Variants in CCDC30 observed in about 807,000 individuals in gnomAD.
CCDC30 encodes the protein coiled-coil domain-containing protein 30.
A neutral mutation model predicts 100.2 loss-of-function variants in CCDC30; 70 were observed. The ratio of observed to expected loss-of-function variants is 0.70; its 90% confidence interval spans 0.58 to 0.85. CCDC30 has a LOEUF of 0.85. Ranked by LOEUF, CCDC30 falls within the 40% of genes least tolerant of loss-of-function variation. CCDC30 has a pLI of 0.00. For missense variants in CCDC30, 652 were observed against 771.2 expected (o/e 0.85, Z 1.83); for synonymous variants, 233 against 269.5 (o/e 0.86, Z 1.33).
At chr1:42,473,422 C>G (rs1293325043) in intron 1 of CCDC30, 2 of 502,780 alleles carry the variant, frequency 4.0e-6, no homozygotes, top group South Asian at 2.1e-4. Context: ...AAAGCACCCA[C>G]GTGTAGACCT....
At chr1:42,582,835 T>C (rs971382160) in intron 9 of CCDC30, among the ~76,000 whole-genome samples, 9 of 152,234 alleles carry the variant, frequency 5.9e-5, no homozygotes, top group African/African-American at 1.2e-4. Flanking sequence ...GTTACAATTC[T>C]TCAAAGAAGT....
intron 11 of CCDC30, among the ~76,000 whole-genome samples, chr1:42,615,103 G>C (rs1646699770): frequency 6.6e-6 from 1 of 152,082 alleles, no homozygotes; most frequent in Admixed American, 6.6e-5. Context: ...GAGGAACTTA[G>C]GTTTAGGGTT....
intron 6 of CCDC30, among the ~76,000 whole-genome samples, chr1:42,544,546 ACT>A (rs1180837137): frequency 2.0e-5 from 3 of 152,014 alleles, no homozygotes; most frequent in South Asian, 4.1e-4. Context: ...ACAGGGTCTC[ACT>A]CTGTCATATA....
intron 6 of CCDC30, among the ~76,000 whole-genome samples, chr1:42,556,755 A>G (rs1645378816): frequency 6.6e-6 from 1 of 152,176 alleles, no homozygotes. Context: ...CCATCAGTTG[A>G]TGCACTTTAT....
At chr1:42,549,332 A>T (rs2148540795) in intron 6 of CCDC30, among the ~76,000 whole-genome samples, 1 of 152,344 alleles carries the variant, frequency 6.6e-6, no homozygotes, top group South Asian at 2.1e-4. Flanking sequence ...TCTGAGACCA[A>T]GAAAACTGAA....
intron 6 of CCDC30, among the ~76,000 whole-genome samples, chr1:42,505,507 T>G (rs1449852759): frequency 6.6e-6 from 1 of 152,238 alleles, no homozygotes; most frequent in Non-Finnish European, 1.5e-5. Flanking sequence ...GTCCTCATTT[T>G]CAGTAAAAAC....
chr1:42,638,555 T>C (rs1254161652), intron 12 of CCDC30, among the ~76,000 whole-genome samples: 1 of 88,982 alleles, frequency 1.1e-5, no homozygotes, highest in Non-Finnish European at 2.2e-5. Flanking sequence ...ATAGCACCCA[T>C]GGGCAAAAAA....
chr1:42,553,654 C>CACACACAT (rs1645304515), intron 6 of CCDC30, among the ~76,000 whole-genome samples: 1 of 101,092 alleles, frequency 9.9e-6, no homozygotes, highest in East Asian at 3.0e-4. Context: ...AGATTCCATA[C>CACACACAT]ACACACACAC....
intron 10 of CCDC30, chr1:42,595,672 C>G (rs1398646683): frequency 6.6e-6 from 1 of 152,102 alleles, no homozygotes; most frequent in African/African-American, 2.4e-5. Context: ...GGTAATGAAC[C>G]TGCTACCAGG....
chr1:42,499,917 C>T lies in CCDC30; in HGVS notation c.456+1001C>T, dbSNP rs546859029. On this transcript the variant is annotated intron_variant, in intron 6 of 16. Transcript: ENST00000668663. ...CAGCCTGCAGGACACCTTGGGCCAG[C>T]TTGGTTTTACTCTAGATTTCACTGT... Among the ~76,000 whole-genome samples, 100 of 152,240 alleles carry T rather than the reference C, an allele frequency of 6.6e-4. 1 individual carries two copies. Among genetic ancestry groups the T allele is most frequent in the African/African-American group, 2.3e-3 (94 of 41,548 alleles).
intron 10 of CCDC30, chr1:42,591,107 G>A (rs984453888): frequency 6.6e-6 from 1 of 152,224 alleles, no homozygotes; most frequent in Non-Finnish European, 1.5e-5. Flanking sequence ...GGGAAGCAGA[G>A]CATAAAAATT....
At chr1:42,627,628 G>C (rs1646957933) in intron 11 of CCDC30, among the ~76,000 whole-genome samples, 1 of 152,182 alleles carries the variant, frequency 6.6e-6, no homozygotes, top group African/African-American at 2.4e-5. Context: ...GTTCAGCCTA[G>C]GGACTTGGTG....
the CCDC30 span, chr1:42,456,725 G>A: frequency 6.2e-7 from 1 of 1,609,694 alleles, no homozygotes; most frequent in Non-Finnish European, 8.5e-7. Context: ...AGCGCGGCCG[G>A]TGCGCTTCCT....
chr1:42,634,147 C>T (rs373175691), intron 11 of CCDC30, among the ~76,000 whole-genome samples: 14 of 150,278 alleles, frequency 9.3e-5, no homozygotes, highest in South Asian at 6.4e-4. Context: ...ATAGCCAAAC[C>T]GTATCAATAG....
At chr1:42,530,287 TAG>T (rs1644786966) in intron 6 of CCDC30, among the ~76,000 whole-genome samples, 1 of 152,244 alleles carries the variant, frequency 6.6e-6, no homozygotes, top group Non-Finnish European at 1.5e-5. Flanking sequence ...ATAAGATATT[TAG>T]AGAGAGACCA....
At chr1:42,511,589 AT>A (rs1340300286) in intron 6 of CCDC30, among the ~76,000 whole-genome samples, 4 of 152,152 alleles carry the variant, frequency 2.6e-5, no homozygotes, top group Non-Finnish European at 4.4e-5. Flanking sequence ...CAAGACTAAA[AT>A]TTGGTGCCAG....
In CCDC30 at chr1:42,568,389, A is replaced by C. The variant is rs201865135; in HGVS notation, c.636+1914A>C. Among the ~76,000 whole-genome samples, 28 of 152,306 alleles carry C rather than the reference A, an allele frequency of 1.8e-4. No individual in the cohort carries two copies. In the East Asian group the frequency reaches 5.2e-3, roughly 28 times the overall value. On this transcript the variant is annotated intron_variant, in intron 7 of 16. Transcript: ENST00000668663. ...CTTAGCTTCCCAAAGTGCTGGGATT[A>C]CAGGTGTGAGCCACCGGGCACTGCC...
Position 42,600,297 on chromosome 1 carries a change from G to A in CCDC30, c.1165-10681G>A, listed in dbSNP as rs572685934. ...AAAAAAAGAATGTCAAAATATGTGA[G>A]GCAAAAATTGATACAACTGCAAGGA... is the stretch of plus-strand genomic sequence containing the variant. On this transcript the variant is annotated intron_variant, in intron 10 of 16. Transcript: ENST00000668663. 5.9e-5 allele frequency among the ~76,000 whole-genome samples: 9 copies of A among 152,268 alleles called. No homozygotes were observed. The East Asian group carries it at 1.5e-3, about 26-fold the overall frequency.
chr1:42,609,466 G>C (rs1339682535), intron 10 of CCDC30, among the ~76,000 whole-genome samples: 2 of 152,086 alleles, frequency 1.3e-5, no homozygotes, highest in East Asian at 3.9e-4. Flanking sequence ...CTGTGTGGGG[G>C]GTCAGTGCCC....
Sources: gnomAD v4.1 joint callset for allele counts (sites outside exome capture counted in the v4.1 genomes callset) on GRCh38, gnomAD v4.1.1 for gene constraint, MANE v1.5 for transcripts, NCBI Gene and HGNC (gene_info 2026-07-23, HGNC 2026-07-21) for gene names.